The following PRP4K variants were observed in gnomAD, a reference collection of about 807,000 sequenced individuals.
PRP4K encodes the protein pre-mRNA processing factor kinase PRP4K.
chr6:4,025,353 G>T, the PRP4K span, among the ~76,000 whole-genome samples: 1 of 152,148 alleles, frequency 6.6e-6, no homozygotes, highest in Non-Finnish European at 1.5e-5. Context: ...TTTAGCACAG[G>T]CCCATTGTAT....
the PRP4K span, among the ~76,000 whole-genome samples, chr6:4,022,192 C>T: frequency 7.8e-5 from 8 of 102,896 alleles, no homozygotes; most frequent in African/African-American, 3.2e-4. Context: ...AGTTTATAAC[C>T]CTTCTTTAGG....
the PRP4K span, among the ~76,000 whole-genome samples, chr6:4,028,172 T>A: frequency 6.6e-6 from 1 of 152,300 alleles, no homozygotes; most frequent in African/African-American, 2.4e-5. Flanking sequence ...CCTTCCATAA[T>A]AAAACAATGA....
At chr6:4,024,085 C>G in the PRP4K span, among the ~76,000 whole-genome samples, 2 of 151,844 alleles carry the variant, frequency 1.3e-5, no homozygotes, top group Non-Finnish European at 2.9e-5. Flanking sequence ...CAGGATGGTC[C>G]CGATCTCCTG....
chr6:4,051,792 G>T, the PRP4K span, among the ~76,000 whole-genome samples: 17 of 152,106 alleles, frequency 1.1e-4, no homozygotes, highest in Non-Finnish European at 1.8e-4. Flanking sequence ...TTATGTGAAT[G>T]ATATATAGAG....
chr6:4,049,319 G>A, the PRP4K span: 32 of 538,830 alleles, frequency 5.9e-5, no homozygotes, highest in Non-Finnish European at 8.4e-5. Flanking sequence ...AAGTCTTGAT[G>A]TACAACCTAA....
the PRP4K span, chr6:4,049,187 T>C: frequency 7.8e-7 from 1 of 1,288,860 alleles, no homozygotes; most frequent in Non-Finnish European, 1.1e-6. Flanking sequence ...TCACAGATTA[T>C]TGGAGAACTC....
chr6:4,056,508 GT>G, the PRP4K span: 1 of 1,610,182 alleles, frequency 6.2e-7, no homozygotes, highest in Non-Finnish European at 8.5e-7. Flanking sequence ...TCTAAGCACT[GT>G]TTTCCATCAC....
the PRP4K span, chr6:4,058,906 C>A: frequency 9.8e-7 from 1 of 1,023,610 alleles, no homozygotes; most frequent in Non-Finnish European, 1.4e-6. Flanking sequence ...AAAACAAAAA[C>A]CCAAAAGTAA....
chr6:4,023,992 G>T, the PRP4K span, among the ~76,000 whole-genome samples: 2 of 151,652 alleles, frequency 1.3e-5, no homozygotes, highest in African/African-American at 4.9e-5. Context: ...TCAGCCTCCC[G>T]AGTAGCTGGG....
At chr6:4,026,204 A>G in the PRP4K span, among the ~76,000 whole-genome samples, 1 of 150,358 alleles carries the variant, frequency 6.7e-6, no homozygotes, top group African/African-American at 2.5e-5. Context: ...GGGTTTCTCC[A>G]TGTTGGTCAG....
the PRP4K span, among the ~76,000 whole-genome samples, chr6:4,027,592 C>CGGGGGGGGGGGGG: frequency 2.5e-4 from 2 of 7,900 alleles, no homozygotes; most frequent in African/African-American, 3.7e-4. Flanking sequence ...GCTTATTTGG[C>CGGGGGGGGGGGGG]GGAGGGGTGG....
At chr6:4,022,154 A>ATTTT in the PRP4K span, among the ~76,000 whole-genome samples, 2,890 of 91,986 alleles carry the variant, frequency 0.031, 424 homozygotes, top group African/African-American at 0.11. Flanking sequence ...GAGGCCTGGC[A>ATTTT]TTTTTTTTTT....
the PRP4K span, chr6:4,060,477 G>A: frequency 6.2e-7 from 1 of 1,613,892 alleles, no homozygotes; most frequent in Non-Finnish European, 8.5e-7. This position sits in a 1 kb window ranked among gnomAD's most constrained non-coding sequence, Gnocchi z 4.7. Flanking sequence ...TTGATTGGGT[G>A]CCAGAGACTT....
chr6:4,044,291 A>C, the PRP4K span: 1 of 366,624 alleles, frequency 2.7e-6, no homozygotes, highest in African/African-American at 2.1e-5. Context: ...AGCAAATCCA[A>C]TTATGATTTT....
chr6:4,047,190 A>T, the PRP4K span: 10 of 1,611,174 alleles, frequency 6.2e-6, no homozygotes, highest in African/African-American at 2.7e-5. Flanking sequence ...TCTCAGAAGA[A>T]GTTGTTGGCA....
At chr6:4,047,031 G>C in the PRP4K span, 3 of 679,320 alleles carry the variant, frequency 4.4e-6, no homozygotes, top group South Asian at 3.2e-5. Context: ...TGTTAATAAA[G>C]TGATTCTAAA....
chr6:4,038,163 T>C, the PRP4K span, among the ~76,000 whole-genome samples: 167 of 152,316 alleles, frequency 1.1e-3, no homozygotes, highest in Non-Finnish European at 2.1e-3. Context: ...TAAATGAATA[T>C]AATTTTTAAG....
At chr6:4,028,910 CT>C in the PRP4K span, among the ~76,000 whole-genome samples, 1 of 152,102 alleles carries the variant, frequency 6.6e-6, no homozygotes, top group Admixed American at 6.5e-5. Flanking sequence ...TTTGCAGTTC[CT>C]GGGCCTCTGT....
At chr6:4,048,255 T>A in the PRP4K span, among the ~76,000 whole-genome samples, 1 of 151,762 alleles carries the variant, frequency 6.6e-6, no homozygotes, top group South Asian at 2.1e-4. Flanking sequence ...GGCGGGCGCC[T>A]GTAGTCCCAG....
Sources: gnomAD v4.1 joint callset for allele counts (sites outside exome capture counted in the v4.1 genomes callset) on GRCh38, gnomAD v4.1.1 for gene constraint, Gnocchi (gnomAD v3.1) non-coding constraint, MANE v1.5 for transcripts, NCBI Gene and HGNC (gene_info 2026-07-23, HGNC 2026-07-21) for gene names.